DLGAP1: variants seen among roughly 807,000 people sequenced by gnomAD.
The protein encoded by DLGAP1 is DLG associated protein 1.
DLGAP1 carries 11 observed loss-of-function variants against 90.8 expected under a neutral mutation model. That is an observed-to-expected ratio of 0.12 (90% CI 0.08 to 0.20). The LOEUF (loss-of-function observed/expected upper bound fraction) is 0.20, where lower values mean the gene tolerates loss of function less well. Among genes scored for constraint, DLGAP1 ranks in the 10% least tolerant of loss-of-function variants. The pLI is 1.00. For missense variants in DLGAP1, 1,050 were observed against 1,333.8 expected, an observed-to-expected ratio of 0.79 and a Z score of 3.31; for synonymous variants, 558 against 540.7, an observed-to-expected ratio of 1.03 and a Z score of -0.44.
At chr18:3,833,446 C>T (rs1319647195) in intron 4 of DLGAP1, among the ~76,000 whole-genome samples, 1 of 152,046 alleles carries the variant, frequency 6.6e-6, no homozygotes, top group South Asian at 2.1e-4. Flanking sequence ...GTTGCCCAGG[C>T]TTGTCTCAAA....
At chr18:3,983,533 A>G (rs1329514361) in intron 3 of DLGAP1, 1 of 152,228 alleles carries the variant, frequency 6.6e-6, no homozygotes, top group Non-Finnish European at 1.5e-5. Flanking sequence ...AGCCATCTCA[A>G]GTACCACCGC....
intron 2 of DLGAP1, among the ~76,000 whole-genome samples, chr18:4,072,374 T>C (rs577875156): frequency 6.6e-6 from 1 of 152,240 alleles, no homozygotes; most frequent in South Asian, 2.1e-4. Context: ...ATCAGTCCTA[T>C]TAGAAATCAG....
chr18:4,253,796 A>G (rs952268680), intron 1 of DLGAP1, among the ~76,000 whole-genome samples: 7 of 152,216 alleles, frequency 4.6e-5, no homozygotes, highest in African/African-American at 1.7e-4. Context: ...ACAGAAAAAC[A>G]TAAATACTTA....
intron 4 of DLGAP1, among the ~76,000 whole-genome samples, chr18:3,850,047 AT>A: frequency 6.6e-6 from 1 of 152,326 alleles, no homozygotes; most frequent in African/African-American, 2.4e-5. Context: ...AGTCAAACAC[AT>A]ACATTCTGCT....
intron 1 of DLGAP1, among the ~76,000 whole-genome samples, chr18:4,353,437 C>G (rs2081440606): frequency 1.3e-5 from 2 of 152,156 alleles, no homozygotes; most frequent in African/African-American, 4.8e-5. Flanking sequence ...AACCAAAAGA[C>G]GGGCTCCTTC....
intron 7 of DLGAP1, among the ~76,000 whole-genome samples, chr18:3,703,546 A>G (rs1207800145): frequency 1.3e-5 from 2 of 152,238 alleles, no homozygotes; most frequent in African/African-American, 2.4e-5. Flanking sequence ...ATGTGTGTTC[A>G]GAGGAGAGCG....
chr18:3,547,158 A>G lies in DLGAP1; in HGVS notation c.2058-12543T>C, dbSNP rs530205846. ...CTACTAAAAATACAAAAAATTAGCC[A>G]GGCGTGGTGGCGGGCGCCGGTAGTC... is the stretch of plus-strand genomic sequence containing the variant. On this transcript the variant is annotated intron_variant, in intron 9 of 12. Coordinates refer to ENST00000315677, the MANE Select transcript of DLGAP1 (RefSeq NM_004746.4). 9.1e-4 allele frequency among the ~76,000 whole-genome samples: 138 copies of G among 151,942 alleles called. 1 individual carries two copies. The South Asian group carries it at 0.019, about 21-fold the overall frequency.
chr18:3,797,967 G>C (rs549486323), intron 5 of DLGAP1, among the ~76,000 whole-genome samples: 2 of 152,238 alleles, frequency 1.3e-5, no homozygotes, highest in South Asian at 2.1e-4. Flanking sequence ...GGTTTTATAA[G>C]GGGAAACCCC....
At chr18:3,601,035 G>GATATAT (rs2056984559) in intron 7 of DLGAP1, among the ~76,000 whole-genome samples, 2 of 145,656 alleles carry the variant, frequency 1.4e-5, no homozygotes, top group African/African-American at 5.0e-5. Context: ...TATAGATATA[G>GATATAT]AGATAAAGAT....
chr18:4,330,633 T>C (rs1042410126), intron 1 of DLGAP1, among the ~76,000 whole-genome samples: 3 of 151,960 alleles, frequency 2.0e-5, no homozygotes, highest in African/African-American at 7.3e-5. Flanking sequence ...GTGGGTTATA[T>C]ACAAATGTGT....
intron 2 of DLGAP1, among the ~76,000 whole-genome samples, chr18:4,022,416 C>CAA (rs1161454745): frequency 1.6e-3 from 243 of 150,572 alleles, no homozygotes; most frequent in African/African-American, 5.8e-3. Context: ...TTTACACACA[C>CAA]ACACACACCA....
At chr18:4,168,734 C>T (rs1471178524) in intron 1 of DLGAP1, among the ~76,000 whole-genome samples, 1 of 152,074 alleles carries the variant, frequency 6.6e-6, no homozygotes, top group Non-Finnish European at 1.5e-5. Flanking sequence ...GAATTTCATT[C>T]CTTTTAAGTA....
intron 1 of DLGAP1, among the ~76,000 whole-genome samples, chr18:4,347,522 T>C (rs1424639988): frequency 1.3e-5 from 2 of 152,110 alleles, no homozygotes; most frequent in African/African-American, 4.8e-5. Context: ...GGATTTATTA[T>C]AGAAATTCAA....
At chr18:4,219,026 T>C (rs1472518698) in intron 1 of DLGAP1, among the ~76,000 whole-genome samples, 1 of 115,812 alleles carries the variant, frequency 8.6e-6, no homozygotes, top group East Asian at 3.2e-4. Flanking sequence ...GTTCTATCTT[T>C]GTTTTTTTTT....
intron 4 of DLGAP1, among the ~76,000 whole-genome samples, chr18:3,835,554 C>G (rs984979854): frequency 1.3e-5 from 2 of 149,378 alleles, no homozygotes; most frequent in African/African-American, 5.0e-5. Flanking sequence ...GAGGCTGAGG[C>G]AGGAGAATCG....
At chr18:3,783,931 C>T (rs965133592) in intron 5 of DLGAP1, among the ~76,000 whole-genome samples, 10 of 152,020 alleles carry the variant, frequency 6.6e-5, no homozygotes, top group African/African-American at 9.7e-5. Context: ...TAAGTGAAAC[C>T]GATGTTTAAG....
chr18:3,868,260 C>T (rs1415302425), intron 4 of DLGAP1, among the ~76,000 whole-genome samples: 1 of 152,096 alleles, frequency 6.6e-6, no homozygotes, highest in East Asian at 1.9e-4. Flanking sequence ...GCTCAGGTTT[C>T]ATTTGCAAAC....
At chr18:4,028,696 C>T (rs935273145) in intron 2 of DLGAP1, among the ~76,000 whole-genome samples, 5 of 152,172 alleles carry the variant, frequency 3.3e-5, no homozygotes, top group Non-Finnish European at 7.3e-5. Context: ...CCTCACTGAT[C>T]AGTTTCAGGA....
intron 7 of DLGAP1, among the ~76,000 whole-genome samples, chr18:3,638,332 T>TGACCTCCTGAGCTCAAGTG (rs2058801928): frequency 6.6e-6 from 1 of 151,568 alleles, no homozygotes; most frequent in Admixed American, 6.6e-5. Context: ...ACTGTAGCCT[T>TGACCTCCTGAGCTCAAGTG]GACCTCCTGA....
Sources: gnomAD v4.1 joint callset for allele counts (sites outside exome capture counted in the v4.1 genomes callset) on GRCh38, gnomAD v4.1.1 for gene constraint, MANE v1.5 for transcripts, NCBI Gene and HGNC (gene_info 2026-07-23, HGNC 2026-07-21) for gene names.